Variants in MPP2 observed in about 807,000 individuals in gnomAD.
The protein encoded by MPP2 is MAGUK p55 subfamily member 2.
A neutral mutation model predicts 58.5 loss-of-function variants in MPP2; 42 were observed. That is an observed-to-expected ratio of 0.72 (90% confidence interval 0.56 to 0.93). MPP2 has a LOEUF of 0.93. MPP2 is among the 40% of genes least tolerant of loss of function. The pLI, the probability that MPP2 is intolerant of heterozygous loss-of-function variation, is 0.00. For synonymous variants in MPP2, 300 were observed against 307.8 expected (o/e 0.97, Z 0.26); for missense variants, 632 against 760.4 (o/e 0.83, Z 1.99).
At chr17:43,886,545 C>T (rs182082932) in intron 3 of MPP2, among the ~76,000 whole-genome samples, 8 of 152,272 alleles carry the variant, frequency 5.3e-5, no homozygotes, top group East Asian at 3.9e-4. Context: ...TAAATGACTC[C>T]GGCATAGTAT....
chr17:43,888,425 G>C (rs1232935805), intron 3 of MPP2, among the ~76,000 whole-genome samples: 1 of 152,214 alleles, frequency 6.6e-6, no homozygotes, highest in Admixed American at 6.5e-5. Flanking sequence ...CCAGCCTATG[G>C]AGCCCCAGAG....
At chr17:43,907,129 G>A (rs1835195048) in intron 1 of MPP2, 1 of 969,784 alleles carries the variant, frequency 1.0e-6, no homozygotes, top group Non-Finnish European at 1.2e-6. Context: ...CGGTTCTTAC[G>A]TAATGCCGGG....
chr17:43,906,023 A>T, intron 1 of MPP2: 1 of 886,370 alleles, frequency 1.1e-6, no homozygotes, highest in Non-Finnish European at 1.3e-6. Context: ...GCCAATCTCT[A>T]CTCCTAGAGA....
chr17:43,900,609 T>TC (rs2048053606), intron 2 of MPP2: 9 of 1,485,118 alleles, frequency 6.1e-6, no homozygotes, highest in African/African-American at 1.4e-5. Context: ...GTCTACCGCC[T>TC]CCCCAGCCAA....
intron 3 of MPP2, among the ~76,000 whole-genome samples, chr17:43,897,400 G>C (rs140405783): frequency 0.089 from 13,550 of 152,270 alleles, 862 homozygotes; most frequent in Non-Finnish European, 0.13. Context: ...AGAATCACTT[G>C]AACTCAGGAG....
chr17:43,884,028 C>T (rs2047261191), intron 3 of MPP2: 9 of 691,856 alleles, frequency 1.3e-5, no homozygotes, highest in Non-Finnish European at 2.4e-5. Context: ...ATATGAAGAC[C>T]ATTTTTCCCC....
intron 3 of MPP2, among the ~76,000 whole-genome samples, chr17:43,893,741 T>C (rs769736807): frequency 3.3e-5 from 5 of 152,174 alleles, no homozygotes; most frequent in South Asian, 4.1e-4. Flanking sequence ...AGTGGAACAG[T>C]TGCATACCAA....
Position 43,879,679 on chromosome 17 carries a change from T to C in MPP2, c.1353+103A>G. ...TAGCAGTAGTTGAGGGCAAAGGGGG[T>C]ACATGGGCGTGTTCAGGTGACAGGT... On this transcript the variant is annotated intron_variant, in intron 11 of 12. Coordinates refer to ENST00000269095, the MANE Select transcript of MPP2 (RefSeq NM_005374.5). The surrounding 1 kb of genome is among the most constrained non-coding windows in gnomAD (Gnocchi z 4.1). 7.5e-7 allele frequency: 1 copy of C among 1,326,566 alleles called. No individual in the cohort carries two copies. The highest frequency in any genetic ancestry group is 1.0e-6 in the Non-Finnish European group (1 of 958,682). 82.2% of individuals were successfully genotyped at this position (1,326,566 alleles called of 1,614,324 possible).
At chr17:43,878,326 T>C (rs547539680) in intron 12 of MPP2, among the ~76,000 whole-genome samples, 2 of 152,304 alleles carry the variant, frequency 1.3e-5, no homozygotes, top group African/African-American at 4.8e-5. Context: ...AGCCAGTCAG[T>C]GGCTAAACAG....
chr17:43,881,408 GCC>G, intron 7 of MPP2, 48 bp downstream of exon 7: 1 of 1,613,786 alleles, frequency 6.2e-7, no homozygotes, highest in African/African-American at 1.3e-5. Context: ...CTGTGCCCTC[GCC>G]CTCCCATGCA....
rs183577066 is a variant in MPP2 at position 43,891,440 on chromosome 17, G to C, written c.150+6822C>G. Among the ~76,000 whole-genome samples, 461 of 152,008 alleles carry C rather than the reference G, an allele frequency of 3.0e-3. 1 individual carries two copies. Among genetic ancestry groups the C allele is most frequent in the Non-Finnish European group, 4.0e-3 (274 of 67,968 alleles). On this transcript the variant is annotated intron_variant, in intron 3 of 12. Transcript: ENST00000269095. Reference sequence around the variant, plus strand: ...TGAGGCAGGAGAATCGCTTGAACCTGGGAGGCAGAGGTTGCAGTGAGCCGA... The same window carrying C: ...TGAGGCAGGAGAATCGCTTGAACCTCGGAGGCAGAGGTTGCAGTGAGCCGA...
In MPP2 at chr17:43,879,240, T is replaced by C. The variant is rs749400796; in HGVS notation, c.1482+35A>G. 6.3e-7 allele frequency: 1 copy of C among 1,590,932 alleles called. No individual in the cohort carries two copies. The highest frequency in any genetic ancestry group is 8.6e-7 in the Non-Finnish European group (1 of 1,163,610). On this transcript the variant is annotated intron_variant, in intron 12 of 12. Coordinates refer to ENST00000269095, the MANE Select transcript of MPP2 (RefSeq NM_005374.5). The surrounding 1 kb of genome is among the most constrained non-coding windows in gnomAD (Gnocchi z 4.1). Reference sequence around the variant, plus strand: ...CCTGTCCCCCACCACCCTAGGCAGCTATCAGACCCCTCCCCCACACCTCAG... The same window carrying C: ...CCTGTCCCCCACCACCCTAGGCAGCCATCAGACCCCTCCCCCACACCTCAG...
intron 1 of MPP2, 46 bp from the exon 2 acceptor site, chr17:43,904,539 A>G: frequency 1.9e-6 from 3 of 1,557,010 alleles, no homozygotes; most frequent in Non-Finnish European, 2.7e-6. Context: ...GGGCAAAGCA[A>G]TGGGGAAGGG....
chr17:43,880,135 C>A lies in MPP2; in HGVS notation c.1151-151G>T. ...GCCAGCACTGCTGCCTTTGCACACA[C>A]CTGCCCCCCACTCTCCCCATTGGCA... On this transcript the variant is annotated intron_variant, in intron 10 of 12. Transcript: ENST00000269095. This position sits in a 1 kb window ranked among gnomAD's most constrained non-coding sequence, Gnocchi z 5.2. The A allele has an allele frequency of 1.4e-6, 1 of 697,598 alleles. No individual in the cohort carries two copies. The highest frequency in any genetic ancestry group is 2.4e-6 in the Non-Finnish European group (1 of 408,272). The allele number at this position is 697,598 out of a possible 1,614,324, so 43.2% of individuals were successfully genotyped here. A position where few individuals can be genotyped will look rare whatever the true frequency, so the allele number is the denominator to read the frequency against.
At chr17:43,892,982 TGATGGATGGATGGATGGATGGATGGATG>T (rs6146066) in intron 3 of MPP2, among the ~76,000 whole-genome samples, 2,185 of 150,384 alleles carry the variant, frequency 0.015, 56 homozygotes, top group African/African-American at 0.049. Flanking sequence ...AATAGGTATT[TGATGGATGGATGGATGGATGGATGGATG>T]GATGGATGGA....
In MPP2 at chr17:43,880,289, T is replaced by C. The variant is rs1209645983; in HGVS notation, c.1151-305A>G. On this transcript the variant is annotated intron_variant, in intron 10 of 12. Transcript: ENST00000269095. The surrounding 1 kb of genome is among the most constrained non-coding windows in gnomAD (Gnocchi z 5.2). Reference sequence around the variant, plus strand: ...GCCAAGCAGACCAGGGCAGTGCTCTTAGTCCTGCCTCTGGCAGCCAGGAGC... The same window carrying C: ...GCCAAGCAGACCAGGGCAGTGCTCTCAGTCCTGCCTCTGGCAGCCAGGAGC... Among the ~76,000 whole-genome samples, 4 of 152,120 alleles carry C rather than the reference T, an allele frequency of 2.6e-5. No homozygotes were observed. The highest frequency in any genetic ancestry group is 4.4e-5 in the Non-Finnish European group (3 of 68,026).
Position 43,880,622 on chromosome 17 carries a change from G to A in MPP2, c.1150+69C>T, listed in dbSNP as rs546634247. 4 of 1,495,508 alleles carry A rather than the reference G, an allele frequency of 2.7e-6. No individual in the cohort carries two copies. In the South Asian group the frequency reaches 5.5e-5, roughly 21 times the overall value. 92.6% of individuals were successfully genotyped at this position (1,495,508 alleles called of 1,614,324 possible). A position where few individuals can be genotyped will look rare whatever the true frequency, so the allele number is the denominator to read the frequency against. Reference sequence around the variant, plus strand: ...TGCCCATGAAGATGCCCATTCGGTGGGCCCAGCCCTGGCCCCAGGGGAGCC... The same window carrying A: ...TGCCCATGAAGATGCCCATTCGGTGAGCCCAGCCCTGGCCCCAGGGGAGCC... On this transcript the variant is annotated intron_variant, in intron 10 of 12. Coordinates refer to ENST00000269095, the MANE Select transcript of MPP2 (RefSeq NM_005374.5). This position sits in a 1 kb window ranked among gnomAD's most constrained non-coding sequence, Gnocchi z 5.2.
chr17:43,903,409 T>C (rs1237780206), intron 2 of MPP2, among the ~76,000 whole-genome samples: 1 of 152,032 alleles, frequency 6.6e-6, no homozygotes, highest in Non-Finnish European at 1.5e-5. Flanking sequence ...AAATAACAAC[T>C]CAGGCCAGGC....
chr17:43,878,960 C>T (rs1226950116), intron 12 of MPP2, among the ~76,000 whole-genome samples: 1 of 152,210 alleles, frequency 6.6e-6, no homozygotes, highest in Non-Finnish European at 1.5e-5. Flanking sequence ...TCCAGCCCAC[C>T]TCTCCCAGTT....
Sources: allele counts gnomAD v4.1 joint callset (sites outside exome capture counted in the v4.1 genomes callset), GRCh38; gene constraint gnomAD v4.1.1; non-coding constraint Gnocchi (gnomAD v3.1); transcripts MANE v1.5; gene names NCBI Gene and HGNC (gene_info 2026-07-23, HGNC 2026-07-21).